Variants in FAT3 observed in about 807,000 individuals in gnomAD.
The protein encoded by FAT3 is FAT atypical cadherin 3.
FAT3 carries 95 observed loss-of-function variants against 310.2 expected under a neutral mutation model. The observed-to-expected ratio is 0.31, with a 90% CI of 0.26 to 0.36. FAT3 has a LOEUF of 0.36. FAT3 is among the 10% of genes least tolerant of loss of function. The pLI is 1.00. For synonymous variants in FAT3, 2,314 were observed against 2,192.9 expected (o/e 1.06, Z -1.54); for missense variants, 5,408 against 5,715.6 (o/e 0.95, Z 1.74).
intron 2 of FAT3, among the ~76,000 whole-genome samples, chr11:92,499,719 GTGTA>G (rs1309333931): frequency 2.6e-5 from 3 of 115,778 alleles, no homozygotes; most frequent in African/African-American, 6.7e-5. Context: ...GTGTATGTGT[GTGTA>G]TGTGTGTGTG....
rs777759147 is a variant in FAT3 at position 92,806,472 on chromosome 11, C to A, written c.9204C>A (p.Leu3068=). 7.6e-6 allele frequency: 12 copies of A among 1,568,908 alleles called. No homozygotes were observed. The African/African-American group carries it at 1.5e-4, about 19-fold the overall frequency. The stretch of plus-strand genomic sequence containing the variant: ...CCAATGGATATATACGATACTCACT[C>A]TATGGATCTGGAAACAGTGAATTTT... ...IGSNGYIRYS[L]YGSGNSEFFL... The change falls in exon 12 of 28, where the codon CTC becomes CTA. Residue 3068 remains leucine (L), a synonymous_variant. Transcript: ENST00000525166.
chr11:92,238,467 T>C (rs1190072810), intron 1 of FAT3, among the ~76,000 whole-genome samples: 1 of 152,052 alleles, frequency 6.6e-6, no homozygotes, highest in African/African-American at 2.4e-5. Flanking sequence ...TATCTTGAAA[T>C]TTCGTTTGTA....
chr11:92,370,139 A>G (rs79838878), intron 2 of FAT3, among the ~76,000 whole-genome samples: 9,941 of 152,252 alleles, frequency 0.065, 1,080 homozygotes, highest in African/African-American at 0.22. Context: ...AGAAGTTTCA[A>G]TTAATCATAA....
chr11:92,492,229 C>A (rs1431296965), intron 2 of FAT3, among the ~76,000 whole-genome samples: 1 of 151,332 alleles, frequency 6.6e-6, no homozygotes, highest in African/African-American at 2.4e-5. Flanking sequence ...TATTCATCAA[C>A]TATATATATA....
chr11:92,880,336 A>G (rs1475934407), intron 22 of FAT3, among the ~76,000 whole-genome samples: 1 of 148,480 alleles, frequency 6.7e-6, no homozygotes, highest in East Asian at 2.0e-4. Flanking sequence ...TAGGACAGTG[A>G]CTCAGGAAAA....
chr11:92,799,839 C>G lies in FAT3; in HGVS notation c.6826C>G (p.Leu2276Val), dbSNP rs929171681. ...GARAEVTVDL[L>V]VNDVNDNPPI... ...TAGGGCTGAAGTCACTGTTGACTTG[C>G]TAGTTAATGATGTAAATGACAACCC... The change falls in exon 10 of 28, where the codon CTA becomes GTA. Residue 2276 changes from leucine to valine, a missense_variant. Leu to Val is a conservative substitution (Grantham distance 32). Around this residue, in one of 5 missense-constraint regions of FAT3, gnomAD observed 4,588 missense variants for 4,809.8 expected, o/e 0.95. Transcript: ENST00000525166. 1 of 1,613,294 alleles carries G rather than the reference C, an allele frequency of 6.2e-7. No individual in the cohort carries two copies. Among genetic ancestry groups the G allele is most frequent in the Middle Eastern group, 1.6e-4 (1 of 6,062 alleles).
chr11:92,616,572 C>T (rs1032518852), intron 3 of FAT3, among the ~76,000 whole-genome samples: 12 of 152,136 alleles, frequency 7.9e-5, no homozygotes, highest in African/African-American at 1.7e-4. Context: ...TTCCTAGAAT[C>T]GATGGTCTTT....
intron 2 of FAT3, among the ~76,000 whole-genome samples, chr11:92,470,092 T>C (rs1354791793): frequency 1.3e-5 from 2 of 152,232 alleles, no homozygotes; most frequent in Non-Finnish European, 2.9e-5. Flanking sequence ...ACACTGATAC[T>C]GTGTGATTAT....
intron 1 of FAT3, among the ~76,000 whole-genome samples, chr11:92,226,421 G>A (rs1313206521): frequency 6.6e-6 from 1 of 151,558 alleles, no homozygotes; most frequent in East Asian, 2.0e-4. Context: ...TGGCGGGGGC[G>A]TGCTTGGGGC....
intron 3 of FAT3, among the ~76,000 whole-genome samples, chr11:92,651,233 C>T (rs930381333): frequency 3.3e-5 from 5 of 152,122 alleles, no homozygotes; most frequent in Non-Finnish European, 2.9e-5. Flanking sequence ...TGTACCTAGA[C>T]CTTGCTCAGG....
chr11:92,342,629 A>G (rs2051574097), intron 1 of FAT3, among the ~76,000 whole-genome samples: 1 of 152,040 alleles, frequency 6.6e-6, no homozygotes, highest in Admixed American at 6.6e-5. Context: ...AATTAACACT[A>G]TTTATTTGTC....
intron 3 of FAT3, among the ~76,000 whole-genome samples, chr11:92,693,263 C>T (rs567143556): frequency 6.6e-6 from 1 of 152,296 alleles, no homozygotes; most frequent in African/African-American, 2.4e-5. Context: ...TTTATATCTC[C>T]AAACCACATT....
intron 3 of FAT3, among the ~76,000 whole-genome samples, chr11:92,610,655 T>G (rs1212958065): frequency 6.6e-6 from 1 of 152,298 alleles, no homozygotes; most frequent in African/African-American, 2.4e-5. Context: ...TCAGCTTGGG[T>G]TCCTTTTTAT....
chr11:92,383,564 G>A (rs1046310936), intron 2 of FAT3, among the ~76,000 whole-genome samples: 1 of 152,238 alleles, frequency 6.6e-6, no homozygotes, highest in Non-Finnish European at 1.5e-5. Flanking sequence ...TAGGAAAAAT[G>A]TTGATGGATA....
intron 3 of FAT3, among the ~76,000 whole-genome samples, chr11:92,669,386 T>A (rs371973818): frequency 5.3e-5 from 8 of 152,230 alleles, no homozygotes; most frequent in East Asian, 3.9e-4. Context: ...CTGGTGCCTC[T>A]GCAAGCACAT....
In FAT3 at chr11:92,602,255, G is replaced by A. The variant is rs146025199; in HGVS notation, c.3607+77307G>A. ...CGCCCGGCTAATTTTTGTATTTTTAGTAGAAGGTTTAGGGTTTTCAGTAGA... is the reference window on the plus strand; with the variant it reads ...CGCCCGGCTAATTTTTGTATTTTTAATAGAAGGTTTAGGGTTTTCAGTAGA... On this transcript the variant is annotated intron_variant, in intron 3 of 27. Coordinates refer to ENST00000525166, the MANE Select transcript of FAT3 (RefSeq NM_001367949.2). Among the ~76,000 whole-genome samples, 838 of 152,060 alleles carry A rather than the reference G, an allele frequency of 5.5e-3. 6 individuals carry two copies. Among genetic ancestry groups the A allele is most frequent in the African/African-American group, 0.019 (780 of 41,484 alleles).
intron 4 of FAT3, among the ~76,000 whole-genome samples, chr11:92,739,861 G>GT (rs1945455112): frequency 6.6e-6 from 1 of 152,150 alleles, no homozygotes; most frequent in Non-Finnish European, 1.5e-5. Context: ...ACTAAATAAA[G>GT]CTCTTATGAA....
chr11:92,797,865 C>T lies in FAT3; in HGVS notation c.4852C>T (p.Pro1618Ser). ...GNTGNMFKIE[P>S]VLGIITICKE... ...CACTGGGAACATGTTTAAGATCGAA[C>T]CGGTCCTAGGCATCATCACCATTTG... Residue 1618 changes from proline to serine, a missense_variant, in exon 10 of 28, where the codon CCG becomes TCG. Transcript: ENST00000525166. The T allele has an allele frequency of 6.2e-7, 1 of 1,612,978 alleles. No homozygotes were observed. The highest frequency in any genetic ancestry group is 8.5e-7 in the Non-Finnish European group (1 of 1,179,092).
intron 13 of FAT3, among the ~76,000 whole-genome samples, chr11:92,819,427 G>A (rs1042106127): frequency 9.2e-5 from 14 of 152,190 alleles, no homozygotes; most frequent in Admixed American, 9.2e-4. Flanking sequence ...GTCAGGGAAG[G>A]AACCTCCTGA....
Sources: allele counts gnomAD v4.1 joint callset (sites outside exome capture counted in the v4.1 genomes callset), GRCh38; gene constraint gnomAD v4.1.1; regional missense constraint gnomAD v4.1.1; transcripts MANE v1.5; gene names NCBI Gene and HGNC (gene_info 2026-07-23, HGNC 2026-07-21).